SEM1: variants seen among roughly 807,000 people sequenced by gnomAD.
SEM1 encodes the protein SEM1 26S proteasome subunit.
In SEM1, 3 loss-of-function variants were observed where a neutral mutation model predicts 12.7. The ratio of observed to expected loss-of-function variants is 0.24; its 90% CI spans 0.11 to 0.61. The LOEUF is 0.61. Ranked by LOEUF, SEM1 falls within the 20% of genes least tolerant of loss-of-function variation. SEM1 has a pLI of 0.88. For synonymous variants in SEM1, 30 were observed against 27.8 expected (o/e 1.08, Z -0.25); for missense variants, 59 against 81.3 (o/e 0.73, Z 1.06).
chr7:96,514,559 C>A, intron 2 of SEM1, among the ~76,000 whole-genome samples: 1 of 152,046 alleles, frequency 6.6e-6, no homozygotes, highest in South Asian at 2.1e-4. Context: ...GTGATTATAG[C>A]AAAGTTGCAG....
At chr7:96,581,475 A>T (rs1196859772) in intron 2 of SEM1, among the ~76,000 whole-genome samples, 1 of 151,802 alleles carries the variant, frequency 6.6e-6, no homozygotes, top group East Asian at 1.9e-4. Flanking sequence ...GTTCCATATG[A>T]ACTTTAAAGT....
At chr7:96,598,202 A>G (rs1286977139) in intron 2 of SEM1, among the ~76,000 whole-genome samples, 1 of 152,196 alleles carries the variant, frequency 6.6e-6, no homozygotes, top group Non-Finnish European at 1.5e-5. Context: ...CCTGAATTTT[A>G]AAACTCAAAA....
chr7:96,705,839 T>A (rs1019216280), intron 1 of SEM1, among the ~76,000 whole-genome samples: 14 of 151,974 alleles, frequency 9.2e-5, no homozygotes, highest in Non-Finnish European at 1.6e-4. Context: ...AAAAAAGTTT[T>A]AAATAAATTA....
intron 2 of SEM1, among the ~76,000 whole-genome samples, chr7:96,653,192 G>A (rs530990496): frequency 6.6e-6 from 1 of 152,182 alleles, no homozygotes; most frequent in Non-Finnish European, 1.5e-5. Context: ...CAGGAGCCAT[G>A]TGCAGACAAC....
rs370623307 is a variant in SEM1, at chr7:96,646,265, T to C, written c.171-23622A>G. On this transcript the variant is annotated intron_variant, in intron 2 of 2. Coordinates refer to the SEM1 transcript ENST00000417009. Reference sequence around the variant, plus strand: ...ATTACAATGGTAAAGTTGAGTAGTTTCAAAAGAGATCATATGTGGCCCACA... The same window carrying C: ...ATTACAATGGTAAAGTTGAGTAGTTCCAAAAGAGATCATATGTGGCCCACA... Among the ~76,000 whole-genome samples the C allele has an allele frequency of 4.5e-4, 68 of 152,328 alleles. 1 individual carries two copies. Among genetic ancestry groups the C allele is most frequent in the African/African-American group, 1.5e-3 (64 of 41,574 alleles).
At chr7:96,623,366 T>TA (rs533248505) in intron 2 of SEM1, among the ~76,000 whole-genome samples, 23 of 151,770 alleles carry the variant, frequency 1.5e-4, no homozygotes, top group African/African-American at 5.3e-4. Context: ...CATAATTGCA[T>TA]AACTGCATGA....
intron 2 of SEM1, among the ~76,000 whole-genome samples, chr7:96,681,566 G>A (rs1335646854): frequency 6.6e-6 from 1 of 152,092 alleles, no homozygotes; most frequent in African/African-American, 2.4e-5. Context: ...TTTGTGTAAG[G>A]TGTAAGGAAG....
At chr7:96,557,094 A>G (rs1349814538) in intron 2 of SEM1, among the ~76,000 whole-genome samples, 2 of 143,952 alleles carry the variant, frequency 1.4e-5, no homozygotes, top group Non-Finnish European at 3.1e-5. Context: ...ACATTCTTCT[A>G]CATTTTTTTC....
intron 2 of SEM1, among the ~76,000 whole-genome samples, chr7:96,648,393 A>G (rs1221486707): frequency 6.6e-6 from 1 of 152,210 alleles, no homozygotes; most frequent in Non-Finnish European, 1.5e-5. Context: ...AACAAAGCTG[A>G]AAAAACTGAC....
At chr7:96,686,812 T>C (rs1789771793), downstream of SEM1, among the ~76,000 whole-genome samples, 4 of 152,236 alleles carry the variant, frequency 2.6e-5, no homozygotes, top group South Asian at 8.3e-4. Context: ...CTAAAGAGCT[T>C]CTGCACAGCA....
chr7:96,585,395 C>G (rs1362355054), intron 2 of SEM1, among the ~76,000 whole-genome samples: 1 of 152,224 alleles, frequency 6.6e-6, no homozygotes, highest in African/African-American at 2.4e-5. Flanking sequence ...ACATTTAAGT[C>G]TGCAGAGGTT....
At chr7:96,652,403 A>G (rs867058298) in intron 2 of SEM1, among the ~76,000 whole-genome samples, 3 of 152,092 alleles carry the variant, frequency 2.0e-5, no homozygotes, top group South Asian at 4.1e-4. Flanking sequence ...TAGTTTGGGC[A>G]TATTTAGGAT....
chr7:96,706,028 T>C (rs1451993450), intron 1 of SEM1, among the ~76,000 whole-genome samples: 1 of 152,106 alleles, frequency 6.6e-6, no homozygotes, highest in Non-Finnish European at 1.5e-5. Context: ...TAATAAAGGC[T>C]GTTCTAAATC....
chr7:96,507,313 C>T (rs1352876364), intron 2 of SEM1, among the ~76,000 whole-genome samples: 2 of 152,036 alleles, frequency 1.3e-5, no homozygotes, highest in Non-Finnish European at 2.9e-5. Flanking sequence ...GTCAAGGAAA[C>T]ATGGGTCTTT....
intron 2 of SEM1, among the ~76,000 whole-genome samples, chr7:96,552,743 A>T (rs1420525370): frequency 6.6e-6 from 1 of 152,100 alleles, no homozygotes; most frequent in Non-Finnish European, 1.5e-5. Context: ...ATTTATTTCC[A>T]GTTCTAGATC....
intron 2 of SEM1, among the ~76,000 whole-genome samples, chr7:96,552,437 G>A (rs572148809): frequency 0.014 from 2,168 of 150,880 alleles, 60 homozygotes; most frequent in African/African-American, 0.048. Context: ...GAGAATATGC[G>A]GTGTTTGGTT....
At chr7:96,667,138 T>C (rs1387702347) in intron 2 of SEM1, among the ~76,000 whole-genome samples, 1 of 152,200 alleles carries the variant, frequency 6.6e-6, no homozygotes, top group Non-Finnish European at 1.5e-5. Flanking sequence ...AACTCTCATT[T>C]ATTCCAATCG....
downstream of SEM1, among the ~76,000 whole-genome samples, chr7:96,669,973 C>T (rs182875507): frequency 6.6e-6 from 1 of 152,160 alleles, no homozygotes; most frequent in African/African-American, 2.4e-5. Context: ...TAGTCCTTTA[C>T]CTCCTTTATA....
intron 2 of SEM1, among the ~76,000 whole-genome samples, chr7:96,678,966 C>T (rs1312822312): frequency 6.6e-6 from 1 of 151,994 alleles, no homozygotes; most frequent in African/African-American, 2.4e-5. Flanking sequence ...ATTATATAGA[C>T]TTGTATCAAA....
Sources: gnomAD v4.1 joint callset for allele counts (sites outside exome capture counted in the v4.1 genomes callset) on GRCh38, gnomAD v4.1.1 for gene constraint, MANE v1.5 for transcripts, NCBI Gene and HGNC (gene_info 2026-07-23, HGNC 2026-07-21) for gene names.